The following PARD3B variants were observed in gnomAD, a reference collection of about 807,000 sequenced individuals.
PARD3B encodes the protein partitioning defective 3 homolog B.
In PARD3B, 103 loss-of-function variants were observed where a neutral mutation model predicts 130.2. The observed-to-expected ratio is 0.79, with a 90% CI of 0.67 to 0.93. The LOEUF (loss-of-function observed/expected upper bound fraction) is 0.93. PARD3B is among the 40% of genes least tolerant of loss of function. The probability of loss-of-function intolerance (pLI) is 0.00; values close to 1 mark genes in which losing one functional copy is unlikely to be tolerated. For synonymous variants in PARD3B, 583 were observed against 553.2 expected, an observed-to-expected ratio of 1.05 and a Z score of -0.76; for missense variants, 1,609 against 1,499.2, an observed-to-expected ratio of 1.07 and a Z score of -1.21.
At chr2:205,302,250 G>A (rs1270705223) in intron 18 of PARD3B, among the ~76,000 whole-genome samples, 1 of 151,718 alleles carries the variant, frequency 6.6e-6, no homozygotes, top group African/African-American at 2.4e-5. Flanking sequence ...TGTATTTTTA[G>A]TAGAGTGGAG....
intron 3 of PARD3B, among the ~76,000 whole-genome samples, chr2:205,001,934 A>C (rs1694869128): frequency 6.6e-6 from 1 of 152,220 alleles, no homozygotes; most frequent in Non-Finnish European, 1.5e-5. Flanking sequence ...TGAATGAAGA[A>C]AAGGAGAAGT....
At chr2:204,685,838 C>T (rs1262667300) in intron 1 of PARD3B, among the ~76,000 whole-genome samples, 1 of 152,050 alleles carries the variant, frequency 6.6e-6, no homozygotes, top group East Asian at 1.9e-4. Context: ...CAGAAAGTAC[C>T]CTCAAGAAGA....
intron 2 of PARD3B, among the ~76,000 whole-genome samples, chr2:204,939,280 A>G (rs1355504528): frequency 6.6e-6 from 1 of 152,228 alleles, no homozygotes; most frequent in Admixed American, 6.5e-5. Flanking sequence ...ACAATTTTTT[A>G]AAGACTGTTT....
At chr2:205,201,785 G>A (rs1056804746) in intron 15 of PARD3B, among the ~76,000 whole-genome samples, 7 of 152,100 alleles carry the variant, frequency 4.6e-5, no homozygotes, top group Non-Finnish European at 7.4e-5. Flanking sequence ...TGCGGTGAGC[G>A]GAGATCACGC....
chr2:204,792,588 A>G (rs1296253200), intron 2 of PARD3B, among the ~76,000 whole-genome samples: 1 of 152,078 alleles, frequency 6.6e-6, no homozygotes, highest in East Asian at 1.9e-4. Context: ...AAACATTTGG[A>G]ATTTAGGACT....
intron 22 of PARD3B, among the ~76,000 whole-genome samples, chr2:205,581,682 A>G (rs899666142): frequency 2.6e-5 from 4 of 151,908 alleles, no homozygotes; most frequent in African/African-American, 9.7e-5. Context: ...TACGATCATT[A>G]CACATTGTAT....
intron 22 of PARD3B, among the ~76,000 whole-genome samples, chr2:205,609,919 A>G (rs1415308945): frequency 6.6e-6 from 1 of 152,222 alleles, no homozygotes; most frequent in Non-Finnish European, 1.5e-5. Flanking sequence ...GCCTTGAGAC[A>G]TGTAGAGGAA....
At chr2:205,448,195 A>C (rs1276222036) in intron 20 of PARD3B, among the ~76,000 whole-genome samples, 1 of 152,172 alleles carries the variant, frequency 6.6e-6, no homozygotes, top group African/African-American at 2.4e-5. Context: ...CATTTGGGGA[A>C]TGTGTACACT....
Position 205,460,302 on chromosome 2 carries a change from A to G in PARD3B, c.3044+19630A>G, listed in dbSNP as rs936213153. 6.6e-6 allele frequency among the ~76,000 whole-genome samples: 1 copy of G among 152,106 alleles called. No homozygotes were observed. Among genetic ancestry groups the G allele is most frequent in the East Asian group, 1.9e-4 (1 of 5,184 alleles). On this transcript the variant is annotated intron_variant, in intron 20 of 22. Coordinates refer to ENST00000406610, the MANE Select transcript of PARD3B (RefSeq NM_001302769.2). This position sits in a 1 kb window ranked among gnomAD's most constrained non-coding sequence, Gnocchi z 4.9. ...CTGAGAGGGTATTTCTCTAAACTAT[A>G]TCAGATAAAGGATGCCCAGAATTTG...
chr2:205,472,384 A>AT (rs2048866040), intron 20 of PARD3B, among the ~76,000 whole-genome samples: 1 of 136,572 alleles, frequency 7.3e-6, no homozygotes, highest in Non-Finnish European at 1.5e-5. Context: ...AATAATTAGT[A>AT]AAAAAAAGTT....
In PARD3B at chr2:205,292,049, A is replaced by G. The variant is rs977287428; in HGVS notation, c.2186-8481A>G. Among the ~76,000 whole-genome samples, 2 of 152,188 alleles carry G rather than the reference A, an allele frequency of 1.3e-5. No homozygotes were observed. The highest frequency in any genetic ancestry group is 2.9e-5 in the Non-Finnish European group (2 of 68,018). ...TCAGTGCATGCTGCATAGGGCAGCC[A>G]AACACCACTGGGTTCTATTCCTTGT... On this transcript the variant is annotated intron_variant, in intron 16 of 22. Coordinates refer to ENST00000406610, the MANE Select transcript of PARD3B (RefSeq NM_001302769.2). The surrounding 1 kb of genome is among the most constrained non-coding windows in gnomAD (Gnocchi z 5.3).
At chr2:204,986,101 C>CAA (rs371839271) in intron 3 of PARD3B, among the ~76,000 whole-genome samples, 7,741 of 49,176 alleles carry the variant, frequency 0.16, 657 homozygotes, top group Non-Finnish European at 0.19. Flanking sequence ...ACTCTGTCTC[C>CAA]AAAAAAAAAA....
chr2:205,380,999 A>G lies in PARD3B; in HGVS notation c.2631-20014A>G, dbSNP rs1252788890. On this transcript the variant is annotated intron_variant, in intron 18 of 22. Coordinates refer to ENST00000406610, the MANE Select transcript of PARD3B (RefSeq NM_001302769.2). ...ATATTATATATAATATCTAAAGAAT[A>G]TATATAATATAAAGAATATATATGA... Among the ~76,000 whole-genome samples, 40 of 88,842 alleles carry G rather than the reference A, an allele frequency of 4.5e-4. 3 individuals are homozygous for G. The highest frequency in any genetic ancestry group is 1.1e-3 in the African/African-American group (27 of 25,310). 58.3% of individuals were successfully genotyped at this position (88,842 alleles called of 152,430 possible).
At position 204,695,760 on chromosome 2, in the gene PARD3B, G is replaced by A. The variant is rs186718506; in HGVS notation, c.222+9478G>A. ...GCTTGTGGTGGTATGAGAACACTGA[G>A]CCAGGAACAGAGGAATGTCAGAGAG... On this transcript the variant is annotated intron_variant, in intron 2 of 22. Transcript: ENST00000406610. Among the ~76,000 whole-genome samples the A allele has an allele frequency of 9.7e-4, 148 of 152,144 alleles. 1 individual carries two copies. The highest frequency in any genetic ancestry group is 3.5e-3 in the African/African-American group (146 of 41,530).
intron 18 of PARD3B, among the ~76,000 whole-genome samples, chr2:205,396,712 C>G (rs1046570883): frequency 2.0e-5 from 3 of 152,148 alleles, no homozygotes; most frequent in African/African-American, 7.2e-5. Context: ...TAAGGTTGAC[C>G]TCTAAGCAAT....
chr2:204,616,173 G>A (rs2034105784), intron 1 of PARD3B, among the ~76,000 whole-genome samples: 1 of 152,140 alleles, frequency 6.6e-6, no homozygotes, highest in African/African-American at 2.4e-5. Context: ...ACGGTGGAGA[G>A]AATGAGATGA....
At position 205,246,926 on chromosome 2, in the gene PARD3B, C is replaced by T. The variant is rs188249254; in HGVS notation, c.2185+1104C>T. On this transcript the variant is annotated intron_variant, in intron 16 of 22. Coordinates refer to ENST00000406610, the MANE Select transcript of PARD3B (RefSeq NM_001302769.2). The stretch of plus-strand genomic sequence containing the variant: ...GTGATAAATTGCCACATGCTCCTTG[C>T]TCCCAACATCCTCTTCCATTAAATT... Among the ~76,000 whole-genome samples, 180 of 152,260 alleles carry T rather than the reference C, an allele frequency of 1.2e-3. 1 individual carries two copies. The highest frequency in any genetic ancestry group is 4.0e-3 in the African/African-American group (165 of 41,554).
At chr2:205,424,668 T>C (rs1367339885) in intron 19 of PARD3B, among the ~76,000 whole-genome samples, 1 of 152,158 alleles carries the variant, frequency 6.6e-6, no homozygotes, top group Non-Finnish European at 1.5e-5. Context: ...TAGTTTCCTT[T>C]TATTCTCTTT....
chr2:205,294,353 CA>C (rs2041713377), intron 16 of PARD3B, among the ~76,000 whole-genome samples: 1 of 151,960 alleles, frequency 6.6e-6, no homozygotes, highest in Non-Finnish European at 1.5e-5. Flanking sequence ...AAAAGAAAAA[CA>C]AAAATGTCAG....
Sources: gnomAD v4.1 joint callset for allele counts (sites outside exome capture counted in the v4.1 genomes callset) on GRCh38, gnomAD v4.1.1 for gene constraint, Gnocchi (gnomAD v3.1) non-coding constraint, MANE v1.5 for transcripts, NCBI Gene and HGNC (gene_info 2026-07-23, HGNC 2026-07-21) for gene names.